POLN: variants seen among roughly 807,000 people sequenced by gnomAD.
POLN encodes DNA polymerase N.
Under a neutral mutation model 113.5 loss-of-function variants are expected in POLN, and 108 were observed. That is an observed-to-expected ratio of 0.95 (90% CI 0.81 to 1.12). The LOEUF (loss-of-function observed/expected upper bound fraction) is 1.12, where lower values mean the gene tolerates loss of function less well. Among genes scored for constraint, POLN ranks in the 50% most tolerant of loss-of-function variants. The pLI is 0.00. For synonymous variants in POLN, 386 were observed against 391.5 expected (o/e 0.99, Z 0.17); for missense variants, 1,097 against 1,077.1 (o/e 1.02, Z -0.26).
chr4:2,168,524 C>T (rs138441801), intron 13 of POLN, among the ~76,000 whole-genome samples: 1 of 152,340 alleles, frequency 6.6e-6, no homozygotes, highest in Non-Finnish European at 1.5e-5. Flanking sequence ...ATGAGCTCCT[C>T]GTGAAAGCTG....
rs1449287228 is a variant in POLN at position 2,174,001 on chromosome 4, A to G, written c.1328T>C (p.Ile443Thr). 1.2e-6 allele frequency: 2 copies of G among 1,614,112 alleles called. No individual in the cohort carries two copies. The highest frequency in any genetic ancestry group is 4.5e-5 in the East Asian group (2 of 44,898). ...PILAVMESHA[I>T]QVNKEEMEKT... The stretch of plus-strand genomic sequence containing the variant: ...CTCCATCTCCTCTTTGTTCACCTGA[A>G]TGGCATGGCTTTCCATCACTGTGAT... Residue 443 changes from isoleucine (I) to threonine (T), a missense_variant, in exon 11 of 26, where the codon ATT becomes ACT. By Grantham distance (89) the Ile-to-Thr change is moderately conservative. Coordinates refer to ENST00000511885, the MANE Select transcript of POLN (RefSeq NM_181808.4).
chr4:2,168,712 A>G (rs995300543), intron 13 of POLN, among the ~76,000 whole-genome samples: 14 of 152,212 alleles, frequency 9.2e-5, no homozygotes, highest in African/African-American at 3.4e-4. Context: ...GCTCTGGGGC[A>G]TGCTGCCCAT....
intron 13 of POLN, among the ~76,000 whole-genome samples, chr4:2,168,675 T>C (rs1732788217): frequency 6.6e-6 from 1 of 152,208 alleles, no homozygotes. Context: ...TGAGCTCAGG[T>C]GCAGGTGCGG....
intron 13 of POLN, among the ~76,000 whole-genome samples, chr4:2,160,874 C>G (rs1732564297): frequency 6.6e-6 from 1 of 152,172 alleles, no homozygotes; most frequent in African/African-American, 2.4e-5. Flanking sequence ...TTTCTCCAAT[C>G]TTTACTATTT....
intron 5 of POLN, among the ~76,000 whole-genome samples, 184 bp downstream of exon 5, chr4:2,207,803 T>C (rs560565085): frequency 2.0e-5 from 3 of 152,250 alleles, no homozygotes; most frequent in Non-Finnish European, 4.4e-5. Flanking sequence ...ACACCCACTC[T>C]GGAAAACAGT....
chr4:2,125,085 G>A (rs1366306194), intron 19 of POLN, among the ~76,000 whole-genome samples: 2 of 152,206 alleles, frequency 1.3e-5, no homozygotes, highest in Admixed American at 1.3e-4. Context: ...AGAGGGGAAC[G>A]AGGAAATCAA....
intron 18 of POLN, 62 bp downstream of exon 18, chr4:2,129,117 T>C (rs1275116376): frequency 1.7e-6 from 2 of 1,176,178 alleles, no homozygotes; most frequent in South Asian, 1.3e-5. Context: ...TACCTTTGAA[T>C]TGTTCAATTT....
Position 2,072,293 on chromosome 4 carries a change from G to T in POLN, c.2524C>A (p.Leu842Ile). 1.3e-6 allele frequency: 2 copies of T among 1,572,750 alleles called. No individual in the cohort carries two copies. Among genetic ancestry groups the T allele is most frequent in the Non-Finnish European group, 1.7e-6 (2 of 1,161,286 alleles). ...CGGCCGGCACTCAGGCTCACCTTGA[G>T]GGGTACCTGCAGGTGGCAGCCAGAG... Reference protein sequence around the residue: ...QALELQLQVPLKVSLSAGRSW... With the variant: ...QALELQLQVPIKVSLSAGRSW... Residue 842 changes from leucine to isoleucine, a missense_variant, in exon 26 of 26, where the codon CTC becomes ATC. By Grantham distance (5) the Leu-to-Ile change is conservative. Transcript: ENST00000511885.
At chr4:2,173,687 G>C (rs570128936) in intron 11 of POLN, among the ~76,000 whole-genome samples, 2 of 152,038 alleles carry the variant, frequency 1.3e-5, no homozygotes, top group South Asian at 4.2e-4. Context: ...AAACTACAGG[G>C]GACAATGTCC....
At chr4:2,174,418 A>G (rs924494956) in intron 10 of POLN, among the ~76,000 whole-genome samples, 6 of 152,226 alleles carry the variant, frequency 3.9e-5, no homozygotes, top group African/African-American at 1.2e-4. Flanking sequence ...CCACTAACAC[A>G]TAAAACATCT....
Position 2,072,939 on chromosome 4 carries a change from A to C in POLN, c.2517+29T>G, listed in dbSNP as rs1560959405. 3.1e-6 allele frequency: 5 copies of C among 1,610,894 alleles called. No homozygotes were observed. The Middle Eastern group carries it at 5.0e-4, about 162-fold the overall frequency. On this transcript the variant is annotated intron_variant, in intron 25 of 25. Coordinates refer to ENST00000511885, the MANE Select transcript of POLN (RefSeq NM_181808.4). ...GCCTCCCCTCACCCTGGGCTCCGGAAGACCGGGCAGGCTTAAGTGTCCCCT... is the reference window on the plus strand; with the variant it reads ...GCCTCCCCTCACCCTGGGCTCCGGACGACCGGGCAGGCTTAAGTGTCCCCT...
chr4:2,135,959 C>T (rs901085134), intron 16 of POLN, among the ~76,000 whole-genome samples: 1 of 152,232 alleles, frequency 6.6e-6, no homozygotes, highest in African/African-American at 2.4e-5. Context: ...GAGCTGGCCA[C>T]CCAGGCCGAG....
chr4:2,181,850 A>G (rs915317628), intron 7 of POLN, among the ~76,000 whole-genome samples: 6 of 152,094 alleles, frequency 3.9e-5, no homozygotes, highest in Admixed American at 3.9e-4. Context: ...AATACAAAAA[A>G]TTAGCTGGGT....
intron 4 of POLN, among the ~76,000 whole-genome samples, chr4:2,209,850 T>C (rs1193432227): frequency 2.7e-5 from 4 of 150,874 alleles, no homozygotes; most frequent in South Asian, 2.1e-4. Context: ...TTAGTAGAGA[T>C]GGGGTTTCAC....
chr4:2,218,253 G>T lies in POLN; in HGVS notation c.134-5127C>A, dbSNP rs1284418884. On this transcript the variant is annotated intron_variant, in intron 3 of 25. Transcript: ENST00000511885. ...TCGAGACCACCCTGACCAACATGGAGAAAGCCCGTCTCTACTAAAAATACA... is the reference window on the plus strand; with the variant it reads ...TCGAGACCACCCTGACCAACATGGATAAAGCCCGTCTCTACTAAAAATACA... 2.9e-5 allele frequency among the ~76,000 whole-genome samples: 4 copies of T among 138,230 alleles called. 1 individual carries two copies. Among genetic ancestry groups the T allele is most frequent in the Admixed American group, 7.7e-5 (1 of 12,994 alleles). The allele number at this position is 138,230 out of a possible 152,430, so 90.7% of individuals were successfully genotyped here. A position where few individuals can be genotyped will look rare whatever the true frequency, so the allele number is the denominator to read the frequency against.
chr4:2,072,692 G>A (rs559084613), intron 25 of POLN, among the ~76,000 whole-genome samples: 220 of 152,262 alleles, frequency 1.4e-3, no homozygotes, highest in Admixed American at 2.9e-3. Flanking sequence ...GAGCCCTCCC[G>A]GGGGTCCCTG....
intron 19 of POLN, among the ~76,000 whole-genome samples, chr4:2,105,563 G>A (rs1490757840): frequency 6.6e-6 from 1 of 152,142 alleles, no homozygotes; most frequent in Non-Finnish European, 1.5e-5. Flanking sequence ...ATTTATGAAA[G>A]TTCAGGAAGA....
At chr4:2,202,723 CAAAAAAA>C (rs34712930) in intron 5 of POLN, among the ~76,000 whole-genome samples, 1 of 36,848 alleles carries the variant, frequency 2.7e-5, no homozygotes, top group African/African-American at 1.0e-4. Context: ...GACTCTGTCT[CAAAAAAA>C]AAAAAAAAAA....
At chr4:2,121,876 C>A (rs973495830) in intron 19 of POLN, among the ~76,000 whole-genome samples, 1 of 151,594 alleles carries the variant, frequency 6.6e-6, no homozygotes, top group Non-Finnish European at 1.5e-5. Flanking sequence ...CTTCTGCTTG[C>A]TTTGGGTTTC....
Sources: allele counts gnomAD v4.1 joint callset (sites outside exome capture counted in the v4.1 genomes callset), GRCh38; gene constraint gnomAD v4.1.1; transcripts MANE v1.5; gene names NCBI Gene and HGNC (gene_info 2026-07-23, HGNC 2026-07-21).